Variants in GREB1 observed in about 807,000 individuals in gnomAD.
The protein encoded by GREB1 is growth regulating estrogen receptor binding 1, also known as protein GREB1.
In GREB1, 106 loss-of-function variants were observed where a neutral mutation model predicts 200.7. That is an observed-to-expected ratio of 0.53 (90% CI 0.45 to 0.62). GREB1 has a LOEUF of 0.62. Ranked by LOEUF, GREB1 falls within the 20% of genes least tolerant of loss-of-function variation. The pLI is 0.00. For synonymous variants in GREB1, 1,132 were observed against 1,092.4 expected (o/e 1.04, Z -0.72); for missense variants, 2,243 against 2,556.8 (o/e 0.88, Z 2.65).
Position 11,640,825 on chromosome 2 carries a change from A to C in GREB1, c.*371A>C. On this transcript the variant is annotated 3_prime_UTR_variant, in exon 33 of 33. Transcript: ENST00000381486. The surrounding 1 kb of genome is among the most constrained non-coding windows in gnomAD (Gnocchi z 4.6). Reference sequence around the variant, plus strand: ...TCTTGGGTTATTTTGTAGCGGTGCCAGTATTTCAGTAGATGGGATTTCAGC... The same window carrying C: ...TCTTGGGTTATTTTGTAGCGGTGCCCGTATTTCAGTAGATGGGATTTCAGC... 3 of 193,612 alleles carry C rather than the reference A, an allele frequency of 1.5e-5. No individual in the cohort carries two copies. Among genetic ancestry groups the C allele is most frequent in the Non-Finnish European group, 3.1e-5 (3 of 96,622 alleles). 12.0% of individuals were successfully genotyped at this position (193,612 alleles called of 1,614,324 possible).
chr2:11,637,830 C>G lies in GREB1; in HGVS notation c.5461C>G (p.His1821Asp). 1.9e-6 allele frequency: 3 copies of G among 1,614,250 alleles called. No individual in the cohort carries two copies. Among genetic ancestry groups the G allele is most frequent in the Non-Finnish European group, 1.7e-6 (2 of 1,180,050 alleles). Residue 1821 changes from histidine (H) to aspartate (D), a missense_variant, in exon 31 of 33, where the codon CAC becomes GAC. Around this residue, in one of 3 missense-constraint regions of GREB1, gnomAD observed 478 missense variants for 616.3 expected, o/e 0.78. Coordinates refer to ENST00000381486, the MANE Select transcript of GREB1 (RefSeq NM_014668.4). ...CCTGCTGGAGAAGTTCCTGCAGCAC[C>G]ACAGCCACCTCTTCTTCCCGCTGTC... is the stretch of plus-strand genomic sequence containing the variant. ...QLLLEKFLQH[H>D]SHLFFPLSLK... is the part of the protein sequence containing the mutation.
chr2:11,631,935 A>G lies in GREB1; in HGVS notation c.4638A>G (p.Thr1546=). ...DKSHEYIKSP[T]FTPTTGRHEH... is the part of the protein sequence containing the mutation. Reference sequence around the variant, plus strand: ...GCCATGAATATATAAAAAGTCCGACATTCACTCCAACCACCGGCCGTCACG... The same window carrying G: ...GCCATGAATATATAAAAAGTCCGACGTTCACTCCAACCACCGGCCGTCACG... The change falls in exon 27 of 33, where the codon ACA becomes ACG. Residue 1546 remains threonine (T), a synonymous_variant. Coordinates refer to ENST00000381486, the MANE Select transcript of GREB1 (RefSeq NM_014668.4). 2 of 1,613,876 alleles carry G rather than the reference A, an allele frequency of 1.2e-6. No individual in the cohort carries two copies. Among genetic ancestry groups the G allele is most frequent in the Non-Finnish European group, 1.7e-6 (2 of 1,179,910 alleles).
intron 1 of GREB1, among the ~76,000 whole-genome samples, chr2:11,515,158 T>TATCCATCC (rs542493949): frequency 2.7e-4 from 38 of 142,410 alleles, no homozygotes; most frequent in African/African-American, 9.0e-4. Context: ...TCCGTCCATC[T>TATCCATCC]ATCCATCCAT....
chr2:11,586,168 G>T (rs1250703448), intron 9 of GREB1, among the ~76,000 whole-genome samples: 2 of 152,138 alleles, frequency 1.3e-5, no homozygotes, highest in Admixed American at 6.5e-5. Flanking sequence ...AAGTCTATTT[G>T]CCTGTTCACT....
chr2:11,535,407 A>T (rs111783838), intron 1 of GREB1, among the ~76,000 whole-genome samples: 1 of 142,744 alleles, frequency 7.0e-6, no homozygotes, highest in Non-Finnish European at 1.5e-5. Context: ...TTATTTATTT[A>T]TTTTTAATTC....
At chr2:11,528,333 C>T (rs1673954437) in intron 1 of GREB1, among the ~76,000 whole-genome samples, 1 of 152,248 alleles carries the variant, frequency 6.6e-6, no homozygotes, top group Non-Finnish European at 1.5e-5. Flanking sequence ...AGAATTTATA[C>T]ACTGCAAATA....
At position 11,615,244 on chromosome 2, in the gene GREB1, G is replaced by A. The variant is rs1683304966; in HGVS notation, c.3276G>A (p.Glu1092=). 3 of 1,611,014 alleles carry A rather than the reference G, an allele frequency of 1.9e-6. No homozygotes were observed. In the East Asian group the frequency reaches 6.7e-5, roughly 36 times the overall value. ...ACGAGGCCTTGGAGAGTGATGCTGA[G>A]AAGCTGAGCAGCACAGACAACGAGG... ...ARNEALESDA[E]KLSSTDNEDE... The change falls in exon 20 of 33, where the codon GAG becomes GAA. Residue 1092 remains glutamate, a synonymous_variant. Coordinates refer to ENST00000381486, the MANE Select transcript of GREB1 (RefSeq NM_014668.4).
intron 13 of GREB1, 94 bp downstream of exon 13, chr2:11,596,333 G>A: frequency 9.0e-7 from 1 of 1,116,534 alleles, no homozygotes; most frequent in Non-Finnish European, 1.3e-6. Context: ...AGTGAGAGGG[G>A]CCATGGCGCA....
intron 17 of GREB1, 146 bp from the exon 18 acceptor site, chr2:11,610,542 T>C: frequency 1.6e-6 from 1 of 626,924 alleles, no homozygotes; most frequent in Admixed American, 3.0e-5. Context: ...CTCATTCAGG[T>C]TCCCACAACC....
At position 11,566,648 on chromosome 2, in the gene GREB1, CTCT is replaced by C. The variant is rs1677698409; in HGVS notation, c.451_453del (p.Leu151del). On this transcript the variant is annotated inframe_deletion, in exon 4 of 33. Coordinates refer to ENST00000381486, the MANE Select transcript of GREB1 (RefSeq NM_014668.4). ...TTGCCAGATGACAATGGCCACAATGCTCTTCTTGGTAAGTACTGCTTTGTCATC... is the reference window on the plus strand; with the variant it reads ...TTGCCAGATGACAATGGCCACAATGCTCTTGGTAAGTACTGCTTTGTCATC... 6.2e-7 allele frequency: 1 copy of C among 1,611,894 alleles called. No individual in the cohort carries two copies. The highest frequency in any genetic ancestry group is 8.5e-7 in the Non-Finnish European group (1 of 1,178,706).
chr2:11,494,772 A>G (rs1408361545), intron 1 of GREB1, among the ~76,000 whole-genome samples: 2 of 152,198 alleles, frequency 1.3e-5, no homozygotes, highest in Non-Finnish European at 2.9e-5. Context: ...TATCTGTAAG[A>G]TGGGGTCAGT....
In GREB1 at chr2:11,580,951, C is replaced by T. The variant is rs988378253; in HGVS notation, c.901+119C>T. ...GCCTCCTGGAGTCTGATGTGGCTTC[C>T]ATGAGAGTCAGGCCAGGACCACAGG... is the stretch of plus-strand genomic sequence containing the variant. On this transcript the variant is annotated intron_variant, in intron 7 of 32. Transcript: ENST00000381486. This position sits in a 1 kb window ranked among gnomAD's most constrained non-coding sequence, Gnocchi z 4.5. The T allele has an allele frequency of 3.1e-6, 4 of 1,291,246 alleles. No homozygotes were observed. The highest frequency in any genetic ancestry group is 3.3e-6 in the Non-Finnish European group (3 of 903,740). 80.0% of individuals were successfully genotyped at this position (1,291,246 alleles called of 1,614,324 possible). A position where few individuals can be genotyped will look rare whatever the true frequency, so the allele number is the denominator to read the frequency against.
At chr2:11,619,034 G>A (rs562352067) in intron 22 of GREB1, 115 bp downstream of exon 22, 32 of 1,049,460 alleles carry the variant, frequency 3.0e-5, no homozygotes, top group East Asian at 7.9e-5. Flanking sequence ...CACCCTTCCC[G>A]TGGTGGAATC....
intron 1 of GREB1, among the ~76,000 whole-genome samples, chr2:11,517,858 T>G (rs1673561138): frequency 6.6e-6 from 1 of 152,180 alleles, no homozygotes; most frequent in African/African-American, 2.4e-5. Context: ...TTTCACCGTG[T>G]TAGCCAGGAT....
intron 24 of GREB1, among the ~76,000 whole-genome samples, chr2:11,625,700 C>CCCCT (rs1198078515): frequency 6.6e-6 from 1 of 152,208 alleles, no homozygotes; most frequent in Non-Finnish European, 1.5e-5. Context: ...TCCCCAACAT[C>CCCCT]CATGGTGTGC....
chr2:11,586,844 A>T (rs1347224598), intron 9 of GREB1, among the ~76,000 whole-genome samples: 1 of 152,218 alleles, frequency 6.6e-6, no homozygotes, highest in Non-Finnish European at 1.5e-5. Flanking sequence ...CCAATGACCG[A>T]GGCAGTTCCA....
At chr2:11,605,464 T>G (rs1352088284) in intron 17 of GREB1, among the ~76,000 whole-genome samples, 1 of 152,098 alleles carries the variant, frequency 6.6e-6, no homozygotes, top group African/African-American at 2.4e-5. Flanking sequence ...GACTTCATGA[T>G]CTGCCCACCT....
intron 17 of GREB1, among the ~76,000 whole-genome samples, chr2:11,605,276 A>T (rs754492971): frequency 2.0e-5 from 3 of 149,914 alleles, no homozygotes; most frequent in Non-Finnish European, 3.0e-5. Flanking sequence ...CCCAGGCTGA[A>T]GTGCAACGGC....
At chr2:11,522,876 T>C (rs540309241) in intron 1 of GREB1, among the ~76,000 whole-genome samples, 1 of 152,380 alleles carries the variant, frequency 6.6e-6, no homozygotes, top group Admixed American at 6.5e-5. Flanking sequence ...CCAAAGTGCC[T>C]GTCATCCATC....
Sources: gnomAD v4.1 joint callset for allele counts (sites outside exome capture counted in the v4.1 genomes callset) on GRCh38, gnomAD v4.1.1 for gene constraint, gnomAD v4.1.1 regional missense constraint, Gnocchi (gnomAD v3.1) non-coding constraint, MANE v1.5 for transcripts, NCBI Gene and HGNC (gene_info 2026-07-23, HGNC 2026-07-21) for gene names.